Variants in DPP6 observed in about 807,000 individuals in gnomAD.
The protein encoded by DPP6 is dipeptidyl peptidase like 6.
In DPP6, 69 loss-of-function variants were observed where a neutral mutation model predicts 122.6. The ratio of observed to expected loss-of-function variants is 0.56; its 90% CI spans 0.46 to 0.69. The LOEUF (loss-of-function observed/expected upper bound fraction) is 0.69, where lower values mean the gene tolerates loss of function less well. Among genes scored for constraint, DPP6 ranks in the 30% least tolerant of loss-of-function variants. The pLI, the probability that DPP6 is intolerant of heterozygous loss-of-function variation, is 0.00. For synonymous variants in DPP6, 418 were observed against 433.1 expected (o/e 0.97, Z 0.43); for missense variants, 928 against 1,116.9 (o/e 0.83, Z 2.41).
At chr7:154,874,844 T>C (rs1038764208) in intron 19 of DPP6, among the ~76,000 whole-genome samples, 1 of 152,216 alleles carries the variant, frequency 6.6e-6, no homozygotes, top group Non-Finnish European at 1.5e-5. Context: ...CCCATAAGTA[T>C]GCTGGTCAAT....
the DPP6 span, among the ~76,000 whole-genome samples, chr7:153,791,418 TCC>T: frequency 2.3e-5 from 2 of 87,670 alleles, no homozygotes; most frequent in South Asian, 4.3e-4. Flanking sequence ...CTTCCTTCCT[TCC>T]TTTCTTTTTT....
rs370282943 is a variant in DPP6 at position 154,117,685 on chromosome 7, C to T, written c.243+64622C>T. 5.7e-4 allele frequency among the ~76,000 whole-genome samples: 86 copies of T among 152,188 alleles called. 1 individual carries two copies. The South Asian group carries it at 0.016, about 28-fold the overall frequency. On this transcript the variant is annotated intron_variant, in intron 1 of 25. Coordinates refer to ENST00000377770, the MANE Select transcript of DPP6 (RefSeq NM_130797.4). Reference sequence around the variant, plus strand: ...TGTCGTGAGCTTAGAAGAGATTCATCGTAGAGACTGCTGCTTAATGAGTGT... The same window carrying T: ...TGTCGTGAGCTTAGAAGAGATTCATTGTAGAGACTGCTGCTTAATGAGTGT...
intron 18 of DPP6, among the ~76,000 whole-genome samples, chr7:154,872,017 A>AG (rs1804441240): frequency 1.3e-5 from 2 of 152,184 alleles, no homozygotes; most frequent in African/African-American, 4.8e-5. Context: ...CACGGGATCC[A>AG]ATGGGCTGTA....
intron 1 of DPP6, among the ~76,000 whole-genome samples, chr7:154,187,231 A>T (rs1370393885): frequency 6.6e-6 from 1 of 152,228 alleles, no homozygotes. Context: ...GAGTCTTCTC[A>T]TGGTTTTGGT....
At chr7:154,243,098 G>A (rs74888251) in intron 1 of DPP6, among the ~76,000 whole-genome samples, 5,782 of 152,212 alleles carry the variant, frequency 0.038, 182 homozygotes, top group East Asian at 0.13. Flanking sequence ...ATGAAGCCTG[G>A]TATGACCAAA....
Position 154,833,167 on chromosome 7 carries a change from C to G in DPP6, c.1667-20613C>G, listed in dbSNP as rs937009010. On this transcript the variant is annotated intron_variant, in intron 16 of 25. Transcript: ENST00000377770. This position sits in a 1 kb window ranked among gnomAD's most constrained non-coding sequence, Gnocchi z 4.3. ...CATCTCACTCACGCCATGCAAGCAG[C>G]CTGGGCTCCGATGCACACAGGAGCA... Among the ~76,000 whole-genome samples the G allele has an allele frequency of 1.4e-5, 2 of 142,060 alleles. No individual in the cohort carries two copies. Among genetic ancestry groups the G allele is most frequent in the Admixed American group, 1.3e-4 (2 of 14,962 alleles). 93.2% of individuals were successfully genotyped at this position (142,060 alleles called of 152,430 possible). A position where few individuals can be genotyped will look rare whatever the true frequency, so the allele number is the denominator to read the frequency against.
intron 6 of DPP6, among the ~76,000 whole-genome samples, chr7:154,663,171 G>A (rs1291761602): frequency 2.7e-5 from 2 of 75,128 alleles, no homozygotes; most frequent in African/African-American, 3.5e-5. Context: ...TGGCGTATTG[G>A]CGGTAGTGTT....
At chr7:154,757,999 G>A (rs949443071) in intron 8 of DPP6, among the ~76,000 whole-genome samples, 4 of 145,568 alleles carry the variant, frequency 2.7e-5, no homozygotes, top group African/African-American at 7.5e-5. Flanking sequence ...GCCCTCTCCC[G>A]CCACGCACGG....
chr7:154,548,596 G>T (rs1427376992), intron 4 of DPP6, among the ~76,000 whole-genome samples: 1 of 151,654 alleles, frequency 6.6e-6, no homozygotes, highest in Non-Finnish European at 1.5e-5. Flanking sequence ...CAGAGCTACT[G>T]TTCCCTGCAG....
intron 1 of DPP6, among the ~76,000 whole-genome samples, chr7:153,918,586 C>CACAG (rs1481623589): frequency 1.8e-5 from 1 of 55,068 alleles, no homozygotes; most frequent in African/African-American, 7.7e-5. Context: ...CTCTCTCTCT[C>CACAG]TCTCTCTCTC....
intron 7 of DPP6, among the ~76,000 whole-genome samples, chr7:154,688,511 G>T (rs546702190): frequency 2.0e-5 from 3 of 152,070 alleles, no homozygotes; most frequent in Non-Finnish European, 4.4e-5. Context: ...AGACTAATTA[G>T]TTAGAGGGAC....
chr7:153,920,736 T>C (rs112553373), intron 1 of DPP6, among the ~76,000 whole-genome samples: 9,739 of 151,864 alleles, frequency 0.064, 325 homozygotes, highest in African/African-American at 0.08. Context: ...AATTTTTGTA[T>C]TTTTAGCAGA....
At chr7:153,892,416 C>A (rs536535514) in intron 1 of DPP6, among the ~76,000 whole-genome samples, 10 of 152,222 alleles carry the variant, frequency 6.6e-5, no homozygotes, top group African/African-American at 2.2e-4. Context: ...CAGGTTCAAG[C>A]AATCCTCTTA....
At chr7:154,616,265 C>G (rs906806655) in intron 5 of DPP6, among the ~76,000 whole-genome samples, 10 of 152,150 alleles carry the variant, frequency 6.6e-5, no homozygotes, top group African/African-American at 2.4e-4. Context: ...ACAGCTCCAT[C>G]CCCTAGAAAC....
intron 5 of DPP6, among the ~76,000 whole-genome samples, chr7:154,590,708 A>G (rs747757631): frequency 1.1e-4 from 16 of 150,090 alleles, no homozygotes; most frequent in Non-Finnish European, 1.9e-4. Flanking sequence ...CTAATTTTGT[A>G]TGTTTAGTAG....
intron 1 of DPP6, among the ~76,000 whole-genome samples, chr7:153,939,030 A>G (rs1309658642): frequency 1.3e-5 from 2 of 152,138 alleles, no homozygotes; most frequent in East Asian, 3.8e-4. Flanking sequence ...CACCTCCCCA[A>G]ATAAAATGCA....
chr7:154,888,087 C>CTTT (rs532540671), intron 23 of DPP6, among the ~76,000 whole-genome samples: 9 of 118,932 alleles, frequency 7.6e-5, no homozygotes, highest in South Asian at 5.4e-4. Flanking sequence ...GGAGAGTGAG[C>CTTT]TTTTTTTTTT....
At chr7:154,837,314 AAC>A (rs748116056) in intron 16 of DPP6, among the ~76,000 whole-genome samples, 82 of 150,208 alleles carry the variant, frequency 5.5e-4, no homozygotes, top group African/African-American at 1.5e-3. Flanking sequence ...CATGCACACA[AAC>A]ACATGCACAC....
chr7:153,843,280 G>GCGCA, the DPP6 span, among the ~76,000 whole-genome samples: 72 of 113,438 alleles, frequency 6.3e-4, no homozygotes, highest in African/African-American at 1.8e-3. Context: ...ATGCGCGCGC[G>GCGCA]CACACACACA....
Sources: gnomAD v4.1 joint callset for allele counts (sites outside exome capture counted in the v4.1 genomes callset) on GRCh38, gnomAD v4.1.1 for gene constraint, Gnocchi (gnomAD v3.1) non-coding constraint, MANE v1.5 for transcripts, NCBI Gene and HGNC (gene_info 2026-07-23, HGNC 2026-07-21) for gene names.